The following STS variants were observed in gnomAD, a reference collection of about 807,000 sequenced individuals.
STS encodes steroid sulfatase.
A neutral mutation model predicts 26.8 loss-of-function variants in STS; 7 were observed. That is an observed-to-expected ratio of 0.26 (90% CI 0.15 to 0.49). The LOEUF is 0.49. Ranked by LOEUF, STS falls within the 20% of genes least tolerant of loss-of-function variation. The pLI is 0.98. For synonymous variants in STS, 199 were observed against 189.4 expected (o/e 1.05, Z -0.42); for missense variants, 434 against 465.6 (o/e 0.93, Z 0.63).
intron 3 of STS, among the ~76,000 whole-genome samples, chrX:7,253,946 C>T (rs1036686953): frequency 8.9e-6 from 1 of 112,509 alleles, no homozygotes; most frequent in Non-Finnish European, 1.9e-5. Flanking sequence ...CTGGTGGGGA[C>T]GTGCTTCCTG....
chrX:7,228,971 G>A (rs1921937508), intron 2 of STS, among the ~76,000 whole-genome samples: 1 of 111,479 alleles, frequency 9.0e-6, no homozygotes, highest in Non-Finnish European at 1.9e-5. Context: ...TTCTTCTTTT[G>A]TATTTTCATC....
chrX:7,181,840 C>T (rs938635835), intron 1 of STS, among the ~76,000 whole-genome samples: 5 of 112,110 alleles, frequency 4.5e-5, no homozygotes. Flanking sequence ...AATCCCAGCA[C>T]TTTGGGAGGC....
chrX:7,309,168 A>G (rs1180323999), intron 8 of STS, among the ~76,000 whole-genome samples: 1 of 111,716 alleles, frequency 9.0e-6, no homozygotes, highest in African/African-American at 3.3e-5. Context: ...CAGAGTGGAT[A>G]AAGAAAATGT....
chrX:7,256,158 G>A (rs12861247), intron 3 of STS, among the ~76,000 whole-genome samples: 7,974 of 111,807 alleles, frequency 0.071, 287 homozygotes, highest in Admixed American at 0.14. Context: ...GGGAGGAATG[G>A]ACCTGGATTC....
chrX:7,280,533 C>T (rs1343477959), intron 7 of STS, among the ~76,000 whole-genome samples: 1 of 112,091 alleles, frequency 8.9e-6, no homozygotes, highest in Non-Finnish European at 1.9e-5. Flanking sequence ...CATTGTTCTC[C>T]AGTATACAAC....
chrX:7,352,481 G>C lies in STS; in HGVS notation c.*2220G>C, dbSNP rs763937969. 8.9e-6 allele frequency: 1 copy of C among 112,157 alleles called. No individual in the cohort carries two copies. Among genetic ancestry groups the C allele is most frequent in the Non-Finnish European group, 1.9e-5 (1 of 53,259 alleles). The allele number at this position is 112,157 out of a possible 1,213,427, so 9.2% of individuals were successfully genotyped here. On this transcript the variant is annotated 3_prime_UTR_variant, in exon 11 of 11. Transcript: ENST00000674429. ...ATCAGGTCGATTTGTGGTAACTGTA[G>C]TCATCTTAAATTTCAAACCATTTAC...
chrX:7,319,542 G>A (rs1373371620), intron 8 of STS, among the ~76,000 whole-genome samples: 1 of 109,848 alleles, frequency 9.1e-6, no homozygotes, highest in African/African-American at 3.3e-5. Flanking sequence ...GGCTTCCCCT[G>A]GTGAGCCCCT....
chrX:7,315,584 C>A (rs755230313), intron 8 of STS, among the ~76,000 whole-genome samples: 1 of 111,631 alleles, frequency 9.0e-6, no homozygotes, highest in Non-Finnish European at 1.9e-5. Flanking sequence ...AGTTCCAAAA[C>A]CTCAAAAGTA....
chrX:7,323,771 A>G lies in STS; in HGVS notation c.1082-1568A>G, dbSNP rs953024333. Among the ~76,000 whole-genome samples the G allele has an allele frequency of 7.2e-5, 8 of 111,746 alleles. No homozygotes were observed. In the East Asian group the frequency reaches 1.4e-3, roughly 20 times the overall value. On this transcript the variant is annotated intron_variant, in intron 8 of 10. Coordinates refer to ENST00000674429, the MANE Select transcript of STS (RefSeq NM_001320752.2). Reference sequence around the variant, plus strand: ...GGGTCCTCAAGGTGTTGGCAGGGCTATGTTTCTTGCTGAAAGCTCTAGGGG... The same window carrying G: ...GGGTCCTCAAGGTGTTGGCAGGGCTGTGTTTCTTGCTGAAAGCTCTAGGGG...
intron 10 of STS, among the ~76,000 whole-genome samples, chrX:7,338,570 T>C (rs1392049030): frequency 5.4e-5 from 6 of 111,821 alleles, no homozygotes; most frequent in African/African-American, 1.9e-4. Flanking sequence ...GGGGCACCAA[T>C]ACCATTATTT....
At chrX:7,260,966 A>G (rs1480498210) in intron 6 of STS, among the ~76,000 whole-genome samples, 5 of 111,439 alleles carry the variant, frequency 4.5e-5, no homozygotes, top group Non-Finnish European at 9.4e-5. Context: ...AACCATCAAC[A>G]GTGGAGCAGA....
At chrX:7,181,738 C>T (rs1352780538) in intron 1 of STS, among the ~76,000 whole-genome samples, 6 of 112,009 alleles carry the variant, frequency 5.4e-5, no homozygotes, top group African/African-American at 1.6e-4. Context: ...GATGAAGCTT[C>T]TTTGTTCTAT....
At chrX:7,242,093 A>G (rs1371434915) in intron 2 of STS, among the ~76,000 whole-genome samples, 1 of 110,693 alleles carries the variant, frequency 9.0e-6, no homozygotes. Context: ...TTGACATCTC[A>G]TCACTTTTTC....
intron 2 of STS, among the ~76,000 whole-genome samples, chrX:7,244,787 A>G: frequency 9.0e-6 from 1 of 111,339 alleles, no homozygotes; most frequent in East Asian, 2.8e-4. Context: ...TCCACATGTC[A>G]ATAGTGTTGA....
intron 8 of STS, among the ~76,000 whole-genome samples, chrX:7,320,287 T>C (rs1926966639): frequency 9.3e-6 from 1 of 107,420 alleles, no homozygotes; most frequent in Non-Finnish European, 1.9e-5. Context: ...CTTACCATCC[T>C]ACACAACTAT....
chrX:7,294,132 C>T (rs1313791943), intron 7 of STS, among the ~76,000 whole-genome samples: 1 of 111,152 alleles, frequency 9.0e-6, no homozygotes, highest in African/African-American at 3.3e-5. Flanking sequence ...AATCATTAAT[C>T]TCTGAGTCTT....
chrX:7,318,499 A>T (rs1926820765), intron 8 of STS, among the ~76,000 whole-genome samples: 2 of 111,760 alleles, frequency 1.8e-5, no homozygotes, highest in Non-Finnish European at 1.9e-5. Flanking sequence ...TGTTAAAAAA[A>T]TTTTAAAACA....
chrX:7,350,773 C>A lies in STS; in HGVS notation c.*512C>A, dbSNP rs1386388303. ...AGTAACTTTAAGGTGAATGAAAGAT[C>A]TTCTTTAGGAATAATAGATGATGGT... On this transcript the variant is annotated 3_prime_UTR_variant, in exon 11 of 11. Transcript: ENST00000674429. The A allele has an allele frequency of 8.7e-6, 1 of 115,577 alleles. No individual in the cohort carries two copies. Among genetic ancestry groups the A allele is most frequent in the African/African-American group, 3.2e-5 (1 of 30,994 alleles). 9.5% of individuals were successfully genotyped at this position (115,577 alleles called of 1,213,427 possible). A position where few individuals can be genotyped will look rare whatever the true frequency, so the allele number is the denominator to read the frequency against.
intron 10 of STS, among the ~76,000 whole-genome samples, chrX:7,336,605 A>G (rs936397131): frequency 8.9e-6 from 1 of 111,844 alleles, no homozygotes; most frequent in Non-Finnish European, 1.9e-5. Context: ...TGTGGCCACA[A>G]TTCCTAGTTT....
Sources: gnomAD v4.1 joint callset for allele counts (sites outside exome capture counted in the v4.1 genomes callset) on GRCh38, gnomAD v4.1.1 for gene constraint, MANE v1.5 for transcripts, NCBI Gene and HGNC (gene_info 2026-07-23, HGNC 2026-07-21) for gene names.